Variants in HIF3A observed in about 807,000 individuals in gnomAD.
HIF3A encodes the protein hypoxia inducible factor 3 subunit alpha.
In HIF3A, 41 loss-of-function variants were observed where a neutral mutation model predicts 67.2. That is an observed-to-expected ratio of 0.61 (90% CI 0.48 to 0.79). HIF3A has a LOEUF of 0.79. Among genes scored for constraint, HIF3A ranks in the 30% least tolerant of loss-of-function variants. The pLI, the probability that HIF3A is intolerant of heterozygous loss-of-function variation, is 0.00. For synonymous variants in HIF3A, 356 were observed against 374.8 expected, an observed-to-expected ratio of 0.95 and a Z score of 0.58; for missense variants, 855 against 898.0, an observed-to-expected ratio of 0.95 and a Z score of 0.61.
chr19:46,331,474 C>T (rs942538040), intron 13 of HIF3A: 3 of 275,476 alleles, frequency 1.1e-5, no homozygotes, highest in African/African-American at 2.3e-5. Context: ...TGAGATTGCG[C>T]CACTGCACCC....
At chr19:46,306,113 C>T (rs1313074307) in intron 3 of HIF3A, among the ~76,000 whole-genome samples, 1 of 152,082 alleles carries the variant, frequency 6.6e-6, no homozygotes, top group African/African-American at 2.4e-5. Context: ...AAAAGTTTAT[C>T]CTCCTAGGTG....
chr19:46,308,511 G>T (rs1304892309), intron 4 of HIF3A, 152 bp from the exon 5 acceptor site: 22 of 633,978 alleles, frequency 3.5e-5, no homozygotes, highest in Non-Finnish European at 5.7e-5. Flanking sequence ...GGGGGTCCAA[G>T]GGGACACATA....
intron 1 of HIF3A, chr19:46,298,303 T>C: frequency 1.1e-6 from 1 of 902,382 alleles, no homozygotes; most frequent in Non-Finnish European, 1.5e-6. Flanking sequence ...CAGCTGTCGT[T>C]CCGCCCCTCT....
At position 46,339,580 on chromosome 19, in the gene HIF3A, G is replaced by A; in HGVS notation, c.1968G>A (p.Gly656=). The A allele has an allele frequency of 6.2e-7, 1 of 1,608,384 alleles. No individual in the cohort carries two copies. The highest frequency in any genetic ancestry group is 8.5e-7 in the Non-Finnish European group (1 of 1,176,722). ...CAGACGAGGACACTACCCAGCCCGG[G>A]GGCCCCTTCCAGCCAAGGGCAGGCT... ...PYSDEDTTQP[G]GPFQPRAGSA... Residue 656 remains glycine (G), a synonymous_variant, in exon 15 of 15, where the codon GGG becomes GGA. Transcript: ENST00000377670.
At chr19:46,323,933 AT>A (rs1970574567) in intron 10 of HIF3A, among the ~76,000 whole-genome samples, 1 of 152,126 alleles carries the variant, frequency 6.6e-6, no homozygotes, top group African/African-American at 2.4e-5. Flanking sequence ...TGTGGGAATT[AT>A]GGGACTATAG....
intron 10 of HIF3A, among the ~76,000 whole-genome samples, chr19:46,324,961 C>CATATATATATACATATATATATAT (rs746767083): frequency 7.5e-6 from 1 of 133,198 alleles, no homozygotes; most frequent in African/African-American, 2.9e-5. Context: ...TATATATACA[C>CATATATATATACATATATATATAT]ATACACACAC....
intron 14 of HIF3A, chr19:46,338,601 G>C (rs1971797279): frequency 1.1e-6 from 1 of 920,718 alleles, no homozygotes; most frequent in Non-Finnish European, 1.4e-6. Flanking sequence ...TTTCTCACCA[G>C]TACTAGTTAT....
At chr19:46,308,576 G>T (rs1041105299) in intron 4 of HIF3A, 87 bp from the exon 5 acceptor site, 40 of 766,884 alleles carry the variant, frequency 5.2e-5, no homozygotes, top group African/African-American at 8.7e-5. Context: ...GATGGAGCTG[G>T]GGAGGCCTGA....
At chr19:46,335,946 C>A (rs375239775) in intron 14 of HIF3A, among the ~76,000 whole-genome samples, 1 of 150,886 alleles carries the variant, frequency 6.6e-6, no homozygotes, top group Non-Finnish European at 1.5e-5. Context: ...GAGGCTGAGA[C>A]GGGAGGATTG....
At chr19:46,307,854 AG>A (rs1480658020) in intron 3 of HIF3A, among the ~76,000 whole-genome samples, 1 of 151,996 alleles carries the variant, frequency 6.6e-6, no homozygotes, top group Non-Finnish European at 1.5e-5. Flanking sequence ...TGAGCCCAGG[AG>A]GTTGAGGCTG....
intron 14 of HIF3A, among the ~76,000 whole-genome samples, chr19:46,336,601 G>T (rs1971641190): frequency 6.6e-6 from 1 of 152,082 alleles, no homozygotes; most frequent in African/African-American, 2.4e-5. Flanking sequence ...TGCCCAGGCT[G>T]GTCTTGAACT....
chr19:46,339,389 T>G, intron 14 of HIF3A, 136 bp from the exon 15 acceptor site: 2 of 594,258 alleles, frequency 3.4e-6, no homozygotes, highest in Non-Finnish European at 5.4e-6. Flanking sequence ...AAAGTAAAAT[T>G]ACTAAAAATC....
At chr19:46,302,187 T>G (rs12609577) in intron 1 of HIF3A, among the ~76,000 whole-genome samples, 102,545 of 151,756 alleles carry the variant, frequency 0.68, 35,494 homozygotes, top group Non-Finnish European at 0.76. Flanking sequence ...TGGAGTATAG[T>G]GGCGCGATCT....
At chr19:46,317,298 T>C (rs1365707821) in intron 8 of HIF3A, among the ~76,000 whole-genome samples, 2 of 151,952 alleles carry the variant, frequency 1.3e-5, no homozygotes, top group Non-Finnish European at 2.9e-5. Flanking sequence ...CAAGTGACCC[T>C]CCCGCCTCAG....
rs763398201 is a variant in HIF3A, at chr19:46,303,966, A to G, written c.95A>G (p.Glu32Gly). The G allele has an allele frequency of 5.0e-6, 8 of 1,605,072 alleles. No individual in the cohort carries two copies. In the Admixed American group the frequency reaches 1.4e-4, roughly 27 times the overall value. Residue 32 changes from glutamate to glycine, a missense_variant, in exon 2 of 15, where the codon GAG (glutamate) becomes GGG (glycine). Physicochemically the swap from Glu to Gly is moderately conservative, Grantham distance 98. Transcript: ENST00000377670. Reference protein sequence around the residue: ...AARSRRSQETEVLYQLAHTLP... With the variant: ...AARSRRSQETGVLYQLAHTLP... ...CGCAGCCGGCGCAGCCAGGAGACCGAGGTGCTGTACCAGCTGGCTCACACG... is the reference window on the plus strand; with the variant it reads ...CGCAGCCGGCGCAGCCAGGAGACCGGGGTGCTGTACCAGCTGGCTCACACG...
intron 2 of HIF3A, among the ~76,000 whole-genome samples, chr19:46,304,760 T>G (rs1254436256): frequency 6.6e-6 from 1 of 152,140 alleles, no homozygotes; most frequent in Non-Finnish European, 1.5e-5. Context: ...GAATTTTACT[T>G]TTCTTGGAGG....
intron 8 of HIF3A, chr19:46,313,165 C>A: frequency 3.6e-6 from 2 of 550,516 alleles, no homozygotes; most frequent in Non-Finnish European, 4.6e-6. Context: ...GCACGAGAAT[C>A]ATTAGAACCC....
chr19:46,299,202 G>A (rs1395331101), intron 1 of HIF3A, among the ~76,000 whole-genome samples: 1 of 152,232 alleles, frequency 6.6e-6, no homozygotes, highest in Non-Finnish European at 1.5e-5. Context: ...ACCAGGGCTG[G>A]GCATGGGGCC....
At chr19:46,312,468 C>T (rs761262226) in intron 7 of HIF3A, 38 bp from the exon 8 acceptor site, 3 of 1,611,192 alleles carry the variant, frequency 1.9e-6, no homozygotes, top group African/African-American at 2.7e-5. Context: ...CCATTTGCCC[C>T]CTTGGTGGCC....
Sources: allele counts gnomAD v4.1 joint callset (sites outside exome capture counted in the v4.1 genomes callset), GRCh38; gene constraint gnomAD v4.1.1; transcripts MANE v1.5; gene names NCBI Gene and HGNC (gene_info 2026-07-23, HGNC 2026-07-21).